ARID1B: variants seen among roughly 807,000 people sequenced by gnomAD.
ARID1B encodes the protein AT-rich interactive domain-containing protein 1B.
A neutral mutation model predicts 212.3 loss-of-function variants in ARID1B; 30 were observed. The ratio of observed to expected loss-of-function variants is 0.14; its 90% CI spans 0.11 to 0.19. ARID1B has a LOEUF of 0.19. Among genes scored for constraint, ARID1B ranks in the 10% least tolerant of loss-of-function variants. The probability of loss-of-function intolerance (pLI) is 1.00; values close to 1 mark genes in which losing one functional copy is unlikely to be tolerated. For missense variants in ARID1B, 2,891 were observed against 3,204.0 expected (o/e 0.90, Z 2.36); for synonymous variants, 1,402 against 1,301.7 (o/e 1.08, Z -1.66).
At chr6:157,193,576 G>A (rs1218340395) in intron 15 of ARID1B, 2 of 152,198 alleles carry the variant, frequency 1.3e-5, no homozygotes, top group African/African-American at 4.8e-5. Flanking sequence ...GGGCTCTGAT[G>A]TCTCTCAAGT....
At chr6:157,119,030 TTG>T (rs1787522979) in intron 6 of ARID1B, among the ~76,000 whole-genome samples, 1 of 152,214 alleles carries the variant, frequency 6.6e-6, no homozygotes, top group African/African-American at 2.4e-5. Context: ...CCTGTTCCTT[TTG>T]TGTTTTTTCT....
intron 4 of ARID1B, among the ~76,000 whole-genome samples, chr6:157,064,843 C>A (rs183501889): frequency 1.1e-3 from 170 of 152,324 alleles, no homozygotes; most frequent in Non-Finnish European, 1.6e-3. Context: ...CTCACTTTCT[C>A]TCCCTCTTTT....
chr6:157,146,854 C>T (rs571833037), intron 7 of ARID1B, among the ~76,000 whole-genome samples: 20 of 152,272 alleles, frequency 1.3e-4, no homozygotes, highest in African/African-American at 2.9e-4. Flanking sequence ...ACTTGTCTTT[C>T]GCATTTATGT....
chr6:156,950,597 G>A (rs1292085092), intron 4 of ARID1B, among the ~76,000 whole-genome samples: 1 of 120,582 alleles, frequency 8.3e-6, no homozygotes, highest in Non-Finnish European at 1.6e-5. Flanking sequence ...GGGCCAGGTG[G>A]TATTTTGCGG....
At chr6:156,920,150 G>A (rs1790665205) in intron 3 of ARID1B, among the ~76,000 whole-genome samples, 1 of 152,236 alleles carries the variant, frequency 6.6e-6, no homozygotes. Context: ...CGCTCTCCGA[G>A]CAAGCCTCCT....
chr6:157,170,471 G>A (rs566225629), intron 9 of ARID1B, among the ~76,000 whole-genome samples: 10 of 152,116 alleles, frequency 6.6e-5, no homozygotes, highest in Admixed American at 1.3e-4. Flanking sequence ...CTTGCTCTAA[G>A]GTAATGATTT....
At chr6:156,863,290 T>C (rs1440975207) in intron 2 of ARID1B, among the ~76,000 whole-genome samples, 2 of 152,126 alleles carry the variant, frequency 1.3e-5, no homozygotes, top group African/African-American at 4.8e-5. Flanking sequence ...GGGGTGGCTT[T>C]AAATCTATTT....
At chr6:156,803,233 T>C (rs916777724) in intron 1 of ARID1B, among the ~76,000 whole-genome samples, 1 of 152,220 alleles carries the variant, frequency 6.6e-6, no homozygotes, top group Non-Finnish European at 1.5e-5. Flanking sequence ...TTAAGCCTTT[T>C]CAATGAAGAT....
At chr6:157,092,869 G>C (rs1785364676) in intron 5 of ARID1B, among the ~76,000 whole-genome samples, 1 of 152,098 alleles carries the variant, frequency 6.6e-6, no homozygotes. Flanking sequence ...GTGTTTTCAT[G>C]GTGGGTCTAA....
intron 3 of ARID1B, among the ~76,000 whole-genome samples, chr6:156,921,553 G>A (rs1790802159): frequency 6.6e-6 from 1 of 151,980 alleles, no homozygotes; most frequent in South Asian, 2.1e-4. Context: ...GAAGGGGGAT[G>A]CCTGTGGCCT....
chr6:156,925,894 A>T (rs778681377), intron 3 of ARID1B, among the ~76,000 whole-genome samples: 4 of 152,210 alleles, frequency 2.6e-5, no homozygotes, highest in Non-Finnish European at 5.9e-5. Flanking sequence ...ATAGACAAGC[A>T]GGAGGAGTGA....
chr6:156,931,743 A>G lies in ARID1B; in HGVS notation c.2137-3723A>G, dbSNP rs550127038. ...TTTGAGAGGCCGAGGCAGGCTGATC[A>G]CTTGAGGTTGGGAGTTTGAGACCAG... On this transcript the variant is annotated intron_variant, in intron 3 of 19. Transcript: ENST00000636930. Among the ~76,000 whole-genome samples the G allele has an allele frequency of 2.6e-3, 402 of 152,208 alleles. 3 individuals carry two copies. The highest frequency in any genetic ancestry group is 5.1e-3 in the Admixed American group (78 of 15,286).
chr6:156,842,856 C>T (rs1783991483), intron 2 of ARID1B, among the ~76,000 whole-genome samples: 1 of 152,178 alleles, frequency 6.6e-6, no homozygotes, highest in African/African-American at 2.4e-5. Flanking sequence ...ACTCACTTTG[C>T]CAGTGGGGAA....
Position 156,979,291 on chromosome 6 carries a change from G to A in ARID1B, c.2247+43715G>A, listed in dbSNP as rs77260911. 5.3e-3 allele frequency among the ~76,000 whole-genome samples: 814 copies of A among 152,256 alleles called. 6 individuals are homozygous for A. Among genetic ancestry groups the A allele is most frequent in the African/African-American group, 0.019 (784 of 41,552 alleles). On this transcript the variant is annotated intron_variant, in intron 4 of 19. Transcript: ENST00000636930. The stretch of plus-strand genomic sequence containing the variant: ...GCCTAGGTGGAAACTTACCTTTCTA[G>A]GTCAGGTTCCAGTGAATCTTGTTTT...
At chr6:157,096,449 C>T (rs948867601) in intron 5 of ARID1B, among the ~76,000 whole-genome samples, 6 of 152,210 alleles carry the variant, frequency 3.9e-5, no homozygotes, top group Non-Finnish European at 2.9e-5. Flanking sequence ...ATTCTTTTCC[C>T]CTCCCTCCTG....
chr6:157,121,210 A>G (rs1461017797), intron 6 of ARID1B, among the ~76,000 whole-genome samples: 3 of 152,136 alleles, frequency 2.0e-5, no homozygotes, highest in South Asian at 2.1e-4. Flanking sequence ...ACACCCTTCA[A>G]ACTTAGAGAT....
At chr6:156,802,520 T>G (rs1278247949) in intron 1 of ARID1B, among the ~76,000 whole-genome samples, 2 of 152,244 alleles carry the variant, frequency 1.3e-5, no homozygotes, top group East Asian at 1.9e-4. Flanking sequence ...ATTTAAGGAA[T>G]GTCCAGAGGT....
intron 13 of ARID1B, chr6:157,184,636 C>A (rs1299102363): frequency 1.5e-6 from 1 of 647,138 alleles, no homozygotes; most frequent in Non-Finnish European, 2.7e-6. Flanking sequence ...GGGATATGGC[C>A]ATTTCTGGTT....
intron 4 of ARID1B, among the ~76,000 whole-genome samples, chr6:157,043,558 A>G (rs1782025684): frequency 6.6e-6 from 1 of 152,122 alleles, no homozygotes; most frequent in Admixed American, 6.5e-5. Context: ...TTTTATATCC[A>G]TATTGACTTT....
Sources: allele counts gnomAD v4.1 joint callset (sites outside exome capture counted in the v4.1 genomes callset), GRCh38; gene constraint gnomAD v4.1.1; transcripts MANE v1.5; gene names NCBI Gene and HGNC (gene_info 2026-07-23, HGNC 2026-07-21).